The following DLGAP2 variants were observed in gnomAD, a reference collection of about 807,000 sequenced individuals.
DLGAP2 encodes the protein DLG associated protein 2, also known as disks large-associated protein 2.
A neutral mutation model predicts 100.3 loss-of-function variants in DLGAP2; 26 were observed. That is an observed-to-expected ratio of 0.26 (90% CI 0.19 to 0.36). The LOEUF (loss-of-function observed/expected upper bound fraction) is 0.36. Ranked by LOEUF, DLGAP2 falls within the 10% of genes least tolerant of loss-of-function variation. The pLI is 1.00. For missense variants in DLGAP2, 1,858 were observed against 1,453.2 expected (o/e 1.28, Z -4.53); for synonymous variants, 886 against 630.1 (o/e 1.41, Z -6.08).
intron 2 of DLGAP2, among the ~76,000 whole-genome samples, chr8:1,057,169 C>G (rs1486568201): frequency 3.3e-5 from 5 of 152,192 alleles, no homozygotes; most frequent in African/African-American, 9.7e-5. Context: ...ACTTTTTACC[C>G]TAGGACACAC....
At chr8:1,516,775 G>C (rs1312482927) in intron 4 of DLGAP2, among the ~76,000 whole-genome samples, 3 of 152,048 alleles carry the variant, frequency 2.0e-5, no homozygotes, top group African/African-American at 7.3e-5. Context: ...ACACGAATGA[G>C]TGAGTGAATC....
At position 1,501,461 on chromosome 8, in the gene DLGAP2, C is replaced by G. The variant is rs753915355; in HGVS notation, c.172+30C>G. 13 of 1,534,412 alleles carry G rather than the reference C, an allele frequency of 8.5e-6. No homozygotes were observed. The South Asian group carries it at 1.4e-4, about 17-fold the overall frequency. ...AGTACAGACGTCAGCCCCGCTCTGG[C>G]GGGGCCCGGACAGAACCGGGCATGC... is the stretch of plus-strand genomic sequence containing the variant. On this transcript the variant is annotated intron_variant, in intron 4 of 14. Transcript: ENST00000637795.
At chr8:1,390,532 C>G (rs1359913161) in intron 3 of DLGAP2, among the ~76,000 whole-genome samples, 1 of 152,172 alleles carries the variant, frequency 6.6e-6, no homozygotes, top group South Asian at 2.1e-4. Context: ...TAGAAAATGA[C>G]AATCTGTCGA....
chr8:1,496,945 G>A (rs4875864), intron 3 of DLGAP2, among the ~76,000 whole-genome samples: 74,383 of 151,866 alleles, frequency 0.49, 20,597 homozygotes, highest in Admixed American at 0.64. Flanking sequence ...CCAGTCACAC[G>A]TTGTGGAGTA....
At chr8:1,527,191 C>T (rs7012381) in intron 4 of DLGAP2, among the ~76,000 whole-genome samples, 69,912 of 152,134 alleles carry the variant, frequency 0.46, 16,578 homozygotes, top group South Asian at 0.69. Flanking sequence ...ACATGGTGTG[C>T]ACCTCGTCCT....
chr8:1,334,428 T>C (rs1342969446), intron 3 of DLGAP2, among the ~76,000 whole-genome samples: 1 of 152,160 alleles, frequency 6.6e-6, no homozygotes, highest in Non-Finnish European at 1.5e-5. Context: ...TCGGTGAATT[T>C]TCTGTAAATA....
intron 1 of DLGAP2, among the ~76,000 whole-genome samples, chr8:875,921 G>A (rs1433359689): frequency 1.3e-5 from 2 of 152,098 alleles, no homozygotes; most frequent in Non-Finnish European, 2.9e-5. Context: ...GCTATACTAT[G>A]TTTCCCCTCT....
In DLGAP2 at chr8:1,564,870, T is replaced by C. The variant is rs74493195; in HGVS notation, c.1231-813T>C. On this transcript the variant is annotated intron_variant, in intron 5 of 14. Transcript: ENST00000637795. ...TGCTGAGTTCCATACCACACAGATATGTAACATTCATGGTTGCTCAGGTCT... is the reference window on the plus strand; with the variant it reads ...TGCTGAGTTCCATACCACACAGATACGTAACATTCATGGTTGCTCAGGTCT... 3.4e-4 allele frequency among the ~76,000 whole-genome samples: 52 copies of C among 152,100 alleles called. No homozygotes were observed. In the East Asian group the frequency reaches 8.3e-3, roughly 24 times the overall value.
intron 3 of DLGAP2, among the ~76,000 whole-genome samples, chr8:1,389,633 A>G (rs1286039667): frequency 6.6e-6 from 1 of 152,090 alleles, no homozygotes; most frequent in African/African-American, 2.4e-5. Flanking sequence ...CTGATGATGA[A>G]ATGCTTCCAG....
At chr8:1,263,879 A>T (rs571799740) in intron 3 of DLGAP2, among the ~76,000 whole-genome samples, 1 of 152,118 alleles carries the variant, frequency 6.6e-6, no homozygotes, top group African/African-American at 2.4e-5. Flanking sequence ...TCTGATTGCT[A>T]TTTGTGGTTT....
chr8:931,862 C>T (rs1273733085), intron 2 of DLGAP2, among the ~76,000 whole-genome samples: 5 of 152,262 alleles, frequency 3.3e-5, no homozygotes, highest in South Asian at 2.1e-4. Flanking sequence ...ATGTAAAACC[C>T]GCAATTTTGA....
chr8:1,626,879 G>A lies in DLGAP2; in HGVS notation c.1582G>A (p.Val528Met), dbSNP rs762050332. Residue 528 changes from valine (V) to methionine (M), a missense_variant, in exon 7 of 15, where the codon GTG becomes ATG. Transcript: ENST00000637795. ...CAGCACCCTGAGCCAGGCCAGCTGC[G>A]TGAGCCAGGTCAGGGTCCCTTCGCC... The part of the protein sequence containing the change: ...AVSTLSQASC[V>M]SQVSEAEING... The A allele has an allele frequency of 7.0e-5, 112 of 1,600,422 alleles. No individual in the cohort carries two copies. Among genetic ancestry groups the A allele is most frequent in the African/African-American group, 9.4e-5 (7 of 74,634 alleles).
At chr8:1,388,307 G>A (rs113705933) in intron 3 of DLGAP2, among the ~76,000 whole-genome samples, 4 of 99,506 alleles carry the variant, frequency 4.0e-5, no homozygotes, top group Non-Finnish European at 7.9e-5. Flanking sequence ...GGCAGATGCC[G>A]TGGATGAGGA....
At chr8:1,257,340 C>T (rs1799246416) in intron 2 of DLGAP2, among the ~76,000 whole-genome samples, 1 of 152,076 alleles carries the variant, frequency 6.6e-6, no homozygotes. Flanking sequence ...TCCCTTGTTG[C>T]CTCCTAACTT....
chr8:1,179,719 C>A (rs1797340053), intron 2 of DLGAP2, among the ~76,000 whole-genome samples: 1 of 152,152 alleles, frequency 6.6e-6, no homozygotes, highest in Non-Finnish European at 1.5e-5. Flanking sequence ...CCTTAATATA[C>A]AGTTACACAG....
chr8:1,503,684 A>G (rs1279653310), intron 4 of DLGAP2, among the ~76,000 whole-genome samples: 2 of 151,632 alleles, frequency 1.3e-5, no homozygotes, highest in African/African-American at 4.9e-5. Flanking sequence ...GTTTTGAGGA[A>G]CCTCCACACT....
At chr8:791,539 A>G (rs1822026286) in intron 1 of DLGAP2, among the ~76,000 whole-genome samples, 1 of 152,220 alleles carries the variant, frequency 6.6e-6, no homozygotes, top group Non-Finnish European at 1.5e-5. Flanking sequence ...ATATGAAACA[A>G]AGCATACTGT....
At chr8:741,669 T>C (rs1440818143) in intron 1 of DLGAP2, among the ~76,000 whole-genome samples, 1 of 152,212 alleles carries the variant, frequency 6.6e-6, no homozygotes, top group Non-Finnish European at 1.5e-5. Context: ...GACTCCAGTG[T>C]ATTTGCAGTT....
intron 3 of DLGAP2, among the ~76,000 whole-genome samples, chr8:1,336,020 A>G (rs1344155552): frequency 1.3e-5 from 2 of 152,044 alleles, no homozygotes; most frequent in African/African-American, 2.4e-5. Flanking sequence ...ACATCACAAT[A>G]TAAAGAAACT....
Sources: allele counts gnomAD v4.1 joint callset (sites outside exome capture counted in the v4.1 genomes callset), GRCh38; gene constraint gnomAD v4.1.1; transcripts MANE v1.5; gene names NCBI Gene and HGNC (gene_info 2026-07-23, HGNC 2026-07-21).